SMCHD1: variants seen among roughly 807,000 people sequenced by gnomAD.
The protein encoded by SMCHD1 is structural maintenance of chromosomes flexible hinge domain-containing protein 1.
SMCHD1 carries 78 observed loss-of-function variants against 254.7 expected under a neutral mutation model. The ratio of observed to expected loss-of-function variants is 0.31; its 90% confidence interval spans 0.26 to 0.37. The LOEUF (loss-of-function observed/expected upper bound fraction) is 0.37, where lower values mean the gene tolerates loss of function less well. Ranked by LOEUF, SMCHD1 falls within the 10% of genes least tolerant of loss-of-function variation. The probability of loss-of-function intolerance (pLI) is 1.00; values close to 1 mark genes in which losing one functional copy is unlikely to be tolerated. For synonymous variants in SMCHD1, 766 were observed against 794.9 expected (o/e 0.96, Z 0.61); for missense variants, 1,840 against 2,408.1 (o/e 0.76, Z 4.94).
intron 42 of SMCHD1, among the ~76,000 whole-genome samples, chr18:2,776,952 G>A (rs2076075853): frequency 6.6e-6 from 1 of 151,998 alleles, no homozygotes; most frequent in African/African-American, 2.4e-5. Context: ...GAGTGCAGTG[G>A]CTACTCACAG....
rs1358876855 is a variant in SMCHD1 at position 2,662,196 on chromosome 18, TAAATAAAGAAAGAAAGAAAGAAAG to T, written c.187-3957_187-3934del. Among the ~76,000 whole-genome samples, 116 of 79,694 alleles carry T rather than the reference TAAATAAAGAAAGAAAGAAAGAAAG, an allele frequency of 1.5e-3. 1 individual carries two copies. The highest frequency in any genetic ancestry group is 8.8e-3 in the Middle Eastern group (1 of 114). 52.3% of individuals were successfully genotyped at this position (79,694 alleles called of 152,430 possible). ...AAAAAAAATAAAATAAATAAATAAA[TAAATAAAGAAAGAAAGAAAGAAAG>T]AAAGAAAAAATAATAGACTTATGTG... On this transcript the variant is annotated intron_variant, in intron 1 of 47. Coordinates refer to ENST00000320876, the MANE Select transcript of SMCHD1 (RefSeq NM_015295.3).
At chr18:2,708,351 T>C (rs2074569311) in intron 17 of SMCHD1, among the ~76,000 whole-genome samples, 1 of 152,142 alleles carries the variant, frequency 6.6e-6, no homozygotes, top group Non-Finnish European at 1.5e-5. Context: ...TGGGTGAGCC[T>C]TGCCTTTTCT....
chr18:2,711,435 C>T (rs2143299159), intron 17 of SMCHD1, among the ~76,000 whole-genome samples: 1 of 150,846 alleles, frequency 6.6e-6, no homozygotes, highest in Middle Eastern at 3.5e-3. Flanking sequence ...GCTTGCATTC[C>T]AAGAGTAAAT....
At chr18:2,656,707 G>A (rs1038424932) in intron 1 of SMCHD1, among the ~76,000 whole-genome samples, 1 of 152,230 alleles carries the variant, frequency 6.6e-6, no homozygotes, top group Admixed American at 6.5e-5. Context: ...GTTGTGAAAT[G>A]CCCGGAGTCA....
chr18:2,759,571 C>CTTTTTTTTTTTTTTTTTTTTTTTTTTTTT (rs61159403), intron 34 of SMCHD1, among the ~76,000 whole-genome samples: 1 of 69,518 alleles, frequency 1.4e-5, no homozygotes, highest in Non-Finnish European at 2.5e-5. Flanking sequence ...TTAATTCTCT[C>CTTTTTTTTTTTTTTTTTTTTTTTTTTTTT]TTTTTTTTTT....
intron 24 of SMCHD1, among the ~76,000 whole-genome samples, chr18:2,731,794 C>T (rs2075145114): frequency 6.6e-6 from 1 of 152,170 alleles, no homozygotes; most frequent in African/African-American, 2.4e-5. Context: ...AGTGGATCAC[C>T]TGAGGTCAGG....
chr18:2,797,848 C>T (rs1254820266), intron 47 of SMCHD1, among the ~76,000 whole-genome samples: 3 of 151,898 alleles, frequency 2.0e-5, no homozygotes, highest in South Asian at 2.1e-4. Flanking sequence ...ACCCAAGAAG[C>T]GGAGGTTGCA....
At position 2,740,828 on chromosome 18, in the gene SMCHD1, C is replaced by A; in HGVS notation, c.3633+7C>A. 6.6e-7 allele frequency: 1 copy of A among 1,521,516 alleles called. No individual in the cohort carries two copies. The highest frequency in any genetic ancestry group is 9.1e-7 in the Non-Finnish European group (1 of 1,100,642). The allele number at this position is 1,521,516 out of a possible 1,614,324, so 94.3% of individuals were successfully genotyped here. On this transcript the variant is annotated splice_region_variant and intron_variant, in intron 28 of 47. Coordinates refer to ENST00000320876, the MANE Select transcript of SMCHD1 (RefSeq NM_015295.3). ...TTTGAAAACAACCTTTCAGGTATGG[C>A]TACTTTCTATACCATTTTGGTTTGA... is the stretch of plus-strand genomic sequence containing the variant.
At chr18:2,686,903 C>T (rs890772836) in intron 5 of SMCHD1, among the ~76,000 whole-genome samples, 6 of 152,054 alleles carry the variant, frequency 3.9e-5, no homozygotes, top group Non-Finnish European at 5.9e-5. Flanking sequence ...TTATCCCATT[C>T]TTTCTGTTTC....
rs762065052 is a variant in SMCHD1, at chr18:2,771,638, G to A, written c.5052+20G>A. The A allele has an allele frequency of 2.2e-5, 32 of 1,471,496 alleles. No homozygotes were observed. The highest frequency in any genetic ancestry group is 3.1e-5 in the African/African-American group (2 of 65,526). 91.2% of individuals were successfully genotyped at this position (1,471,496 alleles called of 1,614,324 possible). A position where few individuals can be genotyped will look rare whatever the true frequency, so the allele number is the denominator to read the frequency against. ...CAACAGGTACAGCTTCCAACTATAC[G>A]TGAAAGATTTTTTATTAAAGTCTAT... On this transcript the variant is annotated intron_variant, in intron 40 of 47. Coordinates refer to ENST00000320876, the MANE Select transcript of SMCHD1 (RefSeq NM_015295.3).
intron 15 of SMCHD1, among the ~76,000 whole-genome samples, chr18:2,707,117 G>A (rs1039199028): frequency 6.6e-6 from 1 of 152,148 alleles, no homozygotes; most frequent in African/African-American, 2.4e-5. Context: ...ATTAGAATTC[G>A]AGATGAGATT....
In SMCHD1 at chr18:2,775,838, A is replaced by G; in HGVS notation, c.5280A>G (p.Ala1760=). The G allele has an allele frequency of 1.2e-6, 2 of 1,612,566 alleles. No individual in the cohort carries two copies. The highest frequency in any genetic ancestry group is 1.3e-5 in the African/African-American group (1 of 74,974). The change falls in exon 42 of 48, where the codon GCA becomes GCG. Residue 1760 remains alanine (A), a synonymous_variant. Coordinates refer to ENST00000320876, the MANE Select transcript of SMCHD1 (RefSeq NM_015295.3). ...DCVVTLTTDA[A]RRIYDETQGR... ...TAGTCACCCTAACCACTGACGCTGC[A>G]CGTCGTATCTATGATGAAACCCAAG...
chr18:2,656,394 C>G (rs1199788316), intron 1 of SMCHD1, 133 bp downstream of exon 1: 2 of 851,494 alleles, frequency 2.3e-6, no homozygotes, highest in East Asian at 6.7e-5. Context: ...TTCCCTCTCC[C>G]GTGTGCCCGC....
chr18:2,769,433 T>A (rs1355176852), intron 37 of SMCHD1, among the ~76,000 whole-genome samples: 1 of 152,202 alleles, frequency 6.6e-6, no homozygotes, highest in Non-Finnish European at 1.5e-5. Context: ...TGAAATTTTT[T>A]ATCATATATA....
At chr18:2,766,768 A>C (rs2143716027) in intron 37 of SMCHD1, among the ~76,000 whole-genome samples, 1 of 152,244 alleles carries the variant, frequency 6.6e-6, no homozygotes, top group East Asian at 1.9e-4. Context: ...TTTCATTCTG[A>C]TATGCATTTG....
intron 23 of SMCHD1, 41 bp downstream of exon 23, chr18:2,728,637 G>A (rs779483970): frequency 5.0e-6 from 8 of 1,590,462 alleles, no homozygotes; most frequent in South Asian, 1.1e-5. Context: ...TCCCATTGTA[G>A]TAAGTGGCAA....
At position 2,703,876 on chromosome 18, in the gene SMCHD1, C is replaced by A. The variant is rs780773249; in HGVS notation, c.1832C>A (p.Ala611Glu). The change falls in exon 13 of 48, where the codon GCA becomes GAA. Residue 611 changes from alanine to glutamate, a missense_variant. Coordinates refer to ENST00000320876, the MANE Select transcript of SMCHD1 (RefSeq NM_015295.3). ...AIEWDGKIYK[A>E]GQLVKTIKTL... is the part of the protein sequence containing the mutation. ...GAATGGGATGGAAAGATATACAAAG[C>A]AGGACAGCTGGTAGGTTTAACTTAT... The A allele has an allele frequency of 1.1e-4, 177 of 1,591,906 alleles. No individual in the cohort carries two copies. Among genetic ancestry groups the A allele is most frequent in the Non-Finnish European group, 1.5e-4 (173 of 1,172,276 alleles).
chr18:2,699,937 C>T (rs769594124), intron 10 of SMCHD1, among the ~76,000 whole-genome samples: 7 of 152,156 alleles, frequency 4.6e-5, no homozygotes, highest in East Asian at 3.8e-4. Flanking sequence ...TCTGGATACA[C>T]GAGAGTGTGT....
At chr18:2,750,225 C>G in intron 31 of SMCHD1, 103 bp downstream of exon 31, 1 of 1,409,338 alleles carries the variant, frequency 7.1e-7, no homozygotes, top group Non-Finnish European at 9.7e-7. Context: ...TAATGTTAGG[C>G]AAGAGTTGGG....
Sources: allele counts gnomAD v4.1 joint callset (sites outside exome capture counted in the v4.1 genomes callset), GRCh38; gene constraint gnomAD v4.1.1; transcripts MANE v1.5; gene names NCBI Gene and HGNC (gene_info 2026-07-23, HGNC 2026-07-21).